The following CCDC34 variants were observed in gnomAD, a reference collection of about 807,000 sequenced individuals.
CCDC34 encodes the protein coiled-coil domain-containing protein 34.
In CCDC34, 40 loss-of-function variants were observed where a neutral mutation model predicts 44.1. The observed-to-expected ratio is 0.91, with a 90% CI of 0.70 to 1.18. CCDC34 has a LOEUF of 1.18. Ranked by LOEUF, CCDC34 falls within the 50% of genes most tolerant of loss-of-function variation. The pLI is 0.00. For missense variants in CCDC34, 466 were observed against 452.3 expected (o/e 1.03, Z -0.28); for synonymous variants, 159 against 158.2 (o/e 1.01, Z -0.04).
At chr11:27,357,251 A>C (rs1862591395) in intron 2 of CCDC34, 152 bp downstream of exon 2, 2 of 613,848 alleles carry the variant, frequency 3.3e-6, no homozygotes, top group South Asian at 7.4e-5. Context: ...TTCTATTATT[A>C]TAACTTATTA....
At position 27,363,204 on chromosome 11, in the gene CCDC34, C is replaced by T; in HGVS notation, c.-10G>A. On this transcript the variant is annotated 5_prime_UTR_variant, in exon 1 of 6. Transcript: ENST00000328697. ...GCCCCGCCGCCCACATCTGGCCCGC[C>T]AAGTTCAAACTGGCGGAGCCGCGGC... The T allele has an allele frequency of 6.8e-7, 1 of 1,460,706 alleles. No homozygotes were observed. The highest frequency in any genetic ancestry group is 9.0e-7 in the Non-Finnish European group (1 of 1,113,790). 90.5% of individuals were successfully genotyped at this position (1,460,706 alleles called of 1,614,324 possible). A position where few individuals can be genotyped will look rare whatever the true frequency, so the allele number is the denominator to read the frequency against.
rs1183043998 is a variant in CCDC34 at position 27,363,184 on chromosome 11, G to A, written c.11C>T (p.Ala4Val). The A allele has an allele frequency of 1.0e-5, 15 of 1,482,790 alleles. No homozygotes were observed. Among genetic ancestry groups the A allele is most frequent in the South Asian group, 4.1e-5 (3 of 72,764 alleles). The allele number at this position is 1,482,790 out of a possible 1,614,324, so 91.9% of individuals were successfully genotyped here. A position where few individuals can be genotyped will look rare whatever the true frequency, so the allele number is the denominator to read the frequency against. ...GGGAAAAGTAGGCCCCCAGCGCCCC[G>A]CCGCCCACATCTGGCCCGCCAAGTT... MWAAGRWGPTFPSS... is the reference protein window; with the variant it reads MWAVGRWGPTFPSS... The change falls in exon 1 of 6, where the codon GCG becomes GTG. Residue 4 changes from alanine to valine, a missense_variant. Coordinates refer to ENST00000328697, the MANE Select transcript of CCDC34 (RefSeq NM_030771.2).
rs577430463 is a variant in CCDC34, at chr11:27,340,585, T to C, written c.907+111A>G. On this transcript the variant is annotated intron_variant, in intron 5 of 5. Coordinates refer to ENST00000328697, the MANE Select transcript of CCDC34 (RefSeq NM_030771.2). ...GTTTATAATATAATCTTCTGGAAAATAGTAATTTGAAAGAAAAATAATTTT... is the reference window on the plus strand; with the variant it reads ...GTTTATAATATAATCTTCTGGAAAACAGTAATTTGAAAGAAAAATAATTTT... 5.3e-5 allele frequency: 58 copies of C among 1,095,052 alleles called. No homozygotes were observed. The Middle Eastern group carries it at 8.5e-4, about 16-fold the overall frequency. 67.8% of individuals were successfully genotyped at this position (1,095,052 alleles called of 1,614,324 possible). A position where few individuals can be genotyped will look rare whatever the true frequency, so the allele number is the denominator to read the frequency against.
intron 3 of CCDC34, among the ~76,000 whole-genome samples, chr11:27,347,371 C>T (rs1348049806): frequency 6.6e-6 from 1 of 152,100 alleles, no homozygotes; most frequent in Non-Finnish European, 1.5e-5. Context: ...GGCATTCACA[C>T]AAGAGAAATG....
At chr11:27,348,013 T>C (rs2133342691) in intron 3 of CCDC34, among the ~76,000 whole-genome samples, 1 of 152,292 alleles carries the variant, frequency 6.6e-6, no homozygotes, top group East Asian at 1.9e-4. Flanking sequence ...CAGTCACTAC[T>C]ACCGAGAGAG....
intron 2 of CCDC34, among the ~76,000 whole-genome samples, chr11:27,350,725 C>G (rs1862495343): frequency 6.6e-6 from 1 of 152,194 alleles, no homozygotes; most frequent in Non-Finnish European, 1.5e-5. Context: ...AATCAACTTT[C>G]CCACACATAA....
chr11:27,357,244 T>A (rs1202921676), intron 2 of CCDC34, among the ~76,000 whole-genome samples, 159 bp downstream of exon 2: 1 of 152,208 alleles, frequency 6.6e-6, no homozygotes, highest in Non-Finnish European at 1.5e-5. Flanking sequence ...AACATATTTC[T>A]ATTATTATAA....
At chr11:27,358,413 T>C (rs1862609642) in intron 1 of CCDC34, among the ~76,000 whole-genome samples, 1 of 152,204 alleles carries the variant, frequency 6.6e-6, no homozygotes, top group Non-Finnish European at 1.5e-5. Flanking sequence ...ACTAGTTTAT[T>C]ACAGACTCAG....
In CCDC34 at chr11:27,363,087, AG is replaced by A; in HGVS notation, c.107del (p.Pro36LeufsTer2). Reference protein sequence around the residue: ...SRPSSDSCSVPMTGARGQGLE... With the variant: ...SRPSSDSCSVXMTGARGQGLE... ...GCCCCTGCCCACGTGCGCCCGTCAT[AG>A]GGACTGAGCAGGAGTCCGAGGAGGG... On this transcript the variant is annotated frameshift_variant, in exon 1 of 6. Transcript: ENST00000328697. LOFTEE classifies it high-confidence loss of function. 1.2e-6 allele frequency: 2 copies of A among 1,610,882 alleles called. No homozygotes were observed. Among genetic ancestry groups the A allele is most frequent in the Non-Finnish European group, 1.7e-6 (2 of 1,178,522 alleles).
At chr11:27,342,643 C>T (rs1300491892) in intron 3 of CCDC34, among the ~76,000 whole-genome samples, 4 of 152,106 alleles carry the variant, frequency 2.6e-5, no homozygotes, top group East Asian at 1.9e-4. Flanking sequence ...TGTGGCCACA[C>T]TCATTTGTTT....
intron 4 of CCDC34, 130 bp from the exon 5 acceptor site, chr11:27,340,967 AT>A: frequency 1.4e-6 from 1 of 716,426 alleles, no homozygotes; most frequent in Non-Finnish European, 2.3e-6. Context: ...ACTGAATCAT[AT>A]TTTTATAATA....
rs185719841 is a variant in CCDC34, at chr11:27,353,095, C to A, written c.499-2656G>T. Among the ~76,000 whole-genome samples, 47 of 152,308 alleles carry A rather than the reference C, an allele frequency of 3.1e-4. 1 individual carries two copies. Among genetic ancestry groups the A allele is most frequent in the South Asian group, 2.5e-3 (12 of 4,828 alleles). On this transcript the variant is annotated intron_variant, in intron 2 of 5. Coordinates refer to ENST00000328697, the MANE Select transcript of CCDC34 (RefSeq NM_030771.2). ...ATTAATATTTTCCCGTGGAATACAA[C>A]ACTTGATTATGGAAAACCAAAATCC...
In CCDC34 at chr11:27,363,073, C is replaced by T. The variant is rs761135803; in HGVS notation, c.122G>A (p.Arg41His). 6.2e-7 allele frequency: 1 copy of T among 1,612,080 alleles called. No homozygotes were observed. The highest frequency in any genetic ancestry group is 8.5e-7 in the Non-Finnish European group (1 of 1,179,102). Residue 41 changes from arginine (R) to histidine (H), a missense_variant, in exon 1 of 6, where the codon CGT becomes CAT. Arg to His is a conservative substitution (Grantham distance 29, BLOSUM62 0). Transcript: ENST00000328697. ...DSCSVPMTGARGQGLEVVRSP... is the reference protein window; with the variant it reads ...DSCSVPMTGAHGQGLEVVRSP... ...GCGCACCACCTCCAGCCCCTGCCCA[C>T]GTGCGCCCGTCATAGGGACTGAGCA...
chr11:27,347,357 C>T (rs56228026), intron 3 of CCDC34, among the ~76,000 whole-genome samples: 1 of 152,128 alleles, frequency 6.6e-6, no homozygotes, highest in South Asian at 2.1e-4. Flanking sequence ...TAATTTAGTT[C>T]CTAGGCATTC....
Position 27,340,406 on chromosome 11 carries a change from T to C in CCDC34, c.907+290A>G, listed in dbSNP as rs1590321237. ...AAAATATATCCTGATTAAGGCTTTA[T>C]CACTGAAAAAATGTAAGAGAACATT... On this transcript the variant is annotated intron_variant, in intron 5 of 5. Transcript: ENST00000328697. Among the ~76,000 whole-genome samples, 3 of 152,300 alleles carry C rather than the reference T, an allele frequency of 2.0e-5. No homozygotes were observed. The East Asian group carries it at 5.8e-4, about 29-fold the overall frequency.
chr11:27,356,826 G>A (rs1382661640), intron 2 of CCDC34, among the ~76,000 whole-genome samples: 6 of 144,674 alleles, frequency 4.1e-5, no homozygotes, highest in Admixed American at 2.1e-4. Context: ...GTTTCCCACC[G>A]CCCAGCACAT....
chr11:27,339,074 C>A (rs1424346965), intron 5 of CCDC34, 39 bp from the exon 6 acceptor site: 3 of 1,466,100 alleles, frequency 2.0e-6, no homozygotes, highest in Non-Finnish European at 2.8e-6. Context: ...CAAGGAAAAA[C>A]TTTCTTGACA....
At position 27,340,989 on chromosome 11, in the gene CCDC34, A is replaced by G. The variant is rs565106196; in HGVS notation, c.766-152T>C. The G allele has an allele frequency of 9.4e-6, 6 of 639,862 alleles. No individual in the cohort carries two copies. The South Asian group carries it at 1.5e-4, about 16-fold the overall frequency. The allele number at this position is 639,862 out of a possible 1,614,324, so 39.6% of individuals were successfully genotyped here. ...CATATTTTTATAATATGAGTAGAAT[A>G]TTGAACATGATCATGGACATACATT... is the stretch of plus-strand genomic sequence containing the variant. On this transcript the variant is annotated intron_variant, in intron 4 of 5. Coordinates refer to ENST00000328697, the MANE Select transcript of CCDC34 (RefSeq NM_030771.2).
Position 27,357,468 on chromosome 11 carries a change from A to C in CCDC34, c.433T>G (p.Trp145Gly). 6.2e-7 allele frequency: 1 copy of C among 1,613,780 alleles called. No homozygotes were observed. Reference protein sequence around the residue: ...VRLPESRLTPWEVWFIGKEKE... With the variant: ...VRLPESRLTPGEVWFIGKEKE... ...TCTTTGCCAATAAACCACACCTCCCATGGTGTCAGGCGGCTTTCTGGTAAG... is the reference window on the plus strand; with the variant it reads ...TCTTTGCCAATAAACCACACCTCCCCTGGTGTCAGGCGGCTTTCTGGTAAG... The change falls in exon 2 of 6, where the codon TGG becomes GGG. Residue 145 changes from tryptophan to glycine, a missense_variant. By Grantham distance (184) the Trp-to-Gly change is radical (BLOSUM62 -2). Transcript: ENST00000328697.
Sources: gnomAD v4.1 joint callset for allele counts (sites outside exome capture counted in the v4.1 genomes callset) on GRCh38, gnomAD v4.1.1 for gene constraint, MANE v1.5 for transcripts, NCBI Gene and HGNC (gene_info 2026-07-23, HGNC 2026-07-21) for gene names.